The following GLIPR1L1 variants were observed in gnomAD, a reference collection of about 807,000 sequenced individuals.
The protein encoded by GLIPR1L1 is GLIPR1-like protein 1.
GLIPR1L1 carries 26 observed loss-of-function variants against 29.9 expected under a neutral mutation model. The ratio of observed to expected loss-of-function variants is 0.87; its 90% CI spans 0.64 to 1.21. GLIPR1L1 has a LOEUF of 1.21. Ranked by LOEUF, GLIPR1L1 falls within the 50% of genes most tolerant of loss-of-function variation. The pLI, the probability that GLIPR1L1 is intolerant of heterozygous loss-of-function variation, is 0.00. For synonymous variants in GLIPR1L1, 77 were observed against 97.5 expected, an observed-to-expected ratio of 0.79 and a Z score of 1.24; for missense variants, 305 against 290.3, an observed-to-expected ratio of 1.05 and a Z score of -0.37.
At chr12:75,363,908 TG>T (rs2043789944) in intron 4 of GLIPR1L1, among the ~76,000 whole-genome samples, 1 of 152,130 alleles carries the variant, frequency 6.6e-6, no homozygotes, top group South Asian at 2.1e-4. Flanking sequence ...GCAAGACAAC[TG>T]GAAGTAGGGC....
At chr12:75,356,006 A>G (rs1357115822) in intron 3 of GLIPR1L1, among the ~76,000 whole-genome samples, 1 of 152,122 alleles carries the variant, frequency 6.6e-6, no homozygotes, top group Non-Finnish European at 1.5e-5. Flanking sequence ...GGAGAGCATC[A>G]GCAAAAATAG....
Position 75,353,644 on chromosome 12 carries a change from T to A in GLIPR1L1, c.521+5922T>A, listed in dbSNP as rs190728469. 4.7e-3 allele frequency among the ~76,000 whole-genome samples: 713 copies of A among 152,292 alleles called. 2 individuals carry two copies. The highest frequency in any genetic ancestry group is 7.8e-3 in the Non-Finnish European group (531 of 68,026). ...GAGGGACTCCTCCCTAACCATTTTA[T>A]GAGGCCAGCATCATCCTGATACCAA... On this transcript the variant is annotated intron_variant, in intron 3 of 5. Coordinates refer to ENST00000378695, the MANE Select transcript of GLIPR1L1 (RefSeq NM_001304964.2).
intron 1 of GLIPR1L1, 75 bp from the exon 2 acceptor site, chr12:75,343,618 G>A: frequency 8.7e-7 from 1 of 1,151,648 alleles, no homozygotes; most frequent in Non-Finnish European, 1.2e-6. Flanking sequence ...GCAAAACTTA[G>A]TTGATTACAA....
At chr12:75,346,438 T>G (rs1453879371) in intron 2 of GLIPR1L1, among the ~76,000 whole-genome samples, 1 of 152,100 alleles carries the variant, frequency 6.6e-6, no homozygotes, top group Non-Finnish European at 1.5e-5. Flanking sequence ...TAACCCAGAC[T>G]GGAGTACAGT....
intron 1 of GLIPR1L1, among the ~76,000 whole-genome samples, chr12:75,341,289 C>T (rs749509341): frequency 6.6e-6 from 1 of 152,066 alleles, no homozygotes; most frequent in Non-Finnish European, 1.5e-5. Flanking sequence ...AACTGTGGTA[C>T]ATCTATACCA....
chr12:75,343,512 A>G (rs2042253231), intron 1 of GLIPR1L1, among the ~76,000 whole-genome samples, 181 bp from the exon 2 acceptor site: 1 of 152,134 alleles, frequency 6.6e-6, no homozygotes, highest in Non-Finnish European at 1.5e-5. Flanking sequence ...GTGAGTATAA[A>G]TAAGTATTTC....
chr12:75,341,879 G>C (rs1361184876), intron 1 of GLIPR1L1, among the ~76,000 whole-genome samples: 1 of 150,378 alleles, frequency 6.6e-6, no homozygotes, highest in African/African-American at 2.5e-5. Flanking sequence ...CTCCTGAGTA[G>C]TTGGGATTAC....
intron 1 of GLIPR1L1, among the ~76,000 whole-genome samples, chr12:75,336,911 T>G (rs939578750): frequency 2.6e-5 from 4 of 151,748 alleles, no homozygotes; most frequent in Non-Finnish European, 5.9e-5. Flanking sequence ...ATTTGAAATT[T>G]TGTCCTATAT....
chr12:75,349,891 T>C (rs764976980), intron 3 of GLIPR1L1, among the ~76,000 whole-genome samples: 1 of 152,174 alleles, frequency 6.6e-6, no homozygotes, highest in Non-Finnish European at 1.5e-5. Context: ...AGATAAAAAG[T>C]GTATCAGCTG....
intron 1 of GLIPR1L1, among the ~76,000 whole-genome samples, chr12:75,339,670 G>A (rs548763584): frequency 1.6e-4 from 24 of 152,230 alleles, no homozygotes; most frequent in South Asian, 1.5e-3. Context: ...CCGTGCCTAT[G>A]TCCTGAATGG....
chr12:75,362,024 T>G (rs1228049327), intron 3 of GLIPR1L1, among the ~76,000 whole-genome samples: 1 of 152,064 alleles, frequency 6.6e-6, no homozygotes, highest in Non-Finnish European at 1.5e-5. Context: ...AAATTTAATG[T>G]CATTAAAATT....
At chr12:75,366,460 G>A (rs1291081526) in intron 4 of GLIPR1L1, among the ~76,000 whole-genome samples, 2 of 152,224 alleles carry the variant, frequency 1.3e-5, no homozygotes, top group East Asian at 3.9e-4. Flanking sequence ...GATGTAATTT[G>A]CCTATTAGCT....
At chr12:75,367,979 T>G (rs2044099548) in intron 4 of GLIPR1L1, among the ~76,000 whole-genome samples, 1 of 152,154 alleles carries the variant, frequency 6.6e-6, no homozygotes, top group Non-Finnish European at 1.5e-5. Context: ...TTCCTTATTT[T>G]GCTGAGTTTT....
chr12:75,346,856 T>C lies in GLIPR1L1; in HGVS notation c.421-766T>C, dbSNP rs1305210407. 2.6e-5 allele frequency among the ~76,000 whole-genome samples: 4 copies of C among 152,164 alleles called. No homozygotes were observed. In the East Asian group the frequency reaches 7.7e-4, roughly 29 times the overall value. On this transcript the variant is annotated intron_variant, in intron 2 of 5. Coordinates refer to ENST00000378695, the MANE Select transcript of GLIPR1L1 (RefSeq NM_001304964.2). ...AATAAATGAGATCAGAAATTTGTGT[T>C]GTTAAAATTTATTCTGTGTCTAAAT...
Position 75,370,196 on chromosome 12 carries a change from A to G in GLIPR1L1, c.*20A>G, listed in dbSNP as rs541396838. 2.9e-5 allele frequency: 34 copies of G among 1,174,832 alleles called. No homozygotes were observed. Among genetic ancestry groups the G allele is most frequent in the Non-Finnish European group, 4.2e-5 (33 of 787,238 alleles). The allele number at this position is 1,174,832 out of a possible 1,614,324, so 72.8% of individuals were successfully genotyped here. A position where few individuals can be genotyped will look rare whatever the true frequency, so the allele number is the denominator to read the frequency against. The stretch of plus-strand genomic sequence containing the variant: ...TTTTAATGTCATTTATATACAAAAG[A>G]AATTCTCAAATGTTAAAATAAAGGA... On this transcript the variant is annotated 3_prime_UTR_variant, in exon 6 of 6. Transcript: ENST00000378695.
intron 2 of GLIPR1L1, among the ~76,000 whole-genome samples, chr12:75,346,421 C>T (rs1337418972): frequency 2.0e-5 from 3 of 151,498 alleles, no homozygotes; most frequent in East Asian, 3.9e-4. Context: ...GACGGAGTCT[C>T]GCCCTGTAAC....
chr12:75,337,850 T>C (rs2041843052), intron 1 of GLIPR1L1, among the ~76,000 whole-genome samples: 2 of 152,174 alleles, frequency 1.3e-5, no homozygotes, highest in African/African-American at 2.4e-5. Flanking sequence ...TTCTTTGTCT[T>C]GTACAAATGA....
At chr12:75,354,977 G>T (rs764879221) in intron 3 of GLIPR1L1, among the ~76,000 whole-genome samples, 1 of 151,986 alleles carries the variant, frequency 6.6e-6, no homozygotes, top group Non-Finnish European at 1.5e-5. Context: ...ACAAAAATTA[G>T]CTCAAGATGG....
At chr12:75,368,395 CTTCTT>C (rs996644035) in intron 4 of GLIPR1L1, among the ~76,000 whole-genome samples, 5 of 150,986 alleles carry the variant, frequency 3.3e-5, no homozygotes, top group Admixed American at 6.6e-5. Flanking sequence ...ACTAATGCTA[CTTCTT>C]TTCTTTTAGT....
Sources: allele counts gnomAD v4.1 joint callset (sites outside exome capture counted in the v4.1 genomes callset), GRCh38; gene constraint gnomAD v4.1.1; transcripts MANE v1.5; gene names NCBI Gene and HGNC (gene_info 2026-07-23, HGNC 2026-07-21).